The following C10orf143 variants were observed in gnomAD, a reference collection of about 807,000 sequenced individuals.
The protein encoded by C10orf143 is uncharacterized protein C10orf143.
intron 3 of C10orf143, among the ~76,000 whole-genome samples, chr10:130,064,671 C>T (rs1010017895): frequency 6.6e-6 from 1 of 152,152 alleles, no homozygotes; most frequent in African/African-American, 2.4e-5. Flanking sequence ...AATGAAAATA[C>T]TATTCATATA....
At chr10:130,045,853 C>T (rs904880760) in intron 3 of C10orf143, among the ~76,000 whole-genome samples, 1 of 152,292 alleles carries the variant, frequency 6.6e-6, no homozygotes, top group South Asian at 2.1e-4. Context: ...CTGATGGCTC[C>T]GGTCGTGGCT....
chr10:130,066,200 T>C (rs1860931010), intron 3 of C10orf143: 1 of 149,686 alleles, frequency 6.7e-6, no homozygotes, highest in African/African-American at 2.5e-5. Context: ...TTTTTTTTTT[T>C]TTTTTGAGAC....
intron 3 of C10orf143, among the ~76,000 whole-genome samples, chr10:130,038,870 C>T (rs1860574232): frequency 1.3e-5 from 2 of 152,152 alleles, no homozygotes; most frequent in Admixed American, 1.3e-4. Flanking sequence ...GGTAGCAAGG[C>T]CGGAGGGAGT....
At chr10:130,063,255 T>C (rs1860876754), downstream of C10orf143, among the ~76,000 whole-genome samples, 1 of 152,168 alleles carries the variant, frequency 6.6e-6, no homozygotes, top group East Asian at 1.9e-4. Context: ...AGGAAGAGTT[T>C]ACACACAAAA....
chr10:130,096,578 C>A (rs1297337723), intron 1 of C10orf143, among the ~76,000 whole-genome samples: 38 of 41,028 alleles, frequency 9.3e-4, no homozygotes, highest in South Asian at 1.2e-3. Flanking sequence ...AAATTCTTGG[C>A]AAACTAACAC....
intron 1 of C10orf143, among the ~76,000 whole-genome samples, chr10:130,091,318 C>T (rs539639685): frequency 8.5e-5 from 13 of 152,292 alleles, no homozygotes; most frequent in African/African-American, 3.1e-4. Flanking sequence ...AGCATACCTG[C>T]AGCAAAGGAG....
intron 3 of C10orf143, chr10:130,066,674 C>T (rs1209293984): frequency 6.6e-6 from 1 of 152,468 alleles, no homozygotes; most frequent in Non-Finnish European, 1.5e-5. Flanking sequence ...ATCCTACTCT[C>T]TCTTCTTGAC....
Position 130,054,963 on chromosome 10 carries a change from C to G in C10orf143, c.298-18993G>C, listed in dbSNP as rs1026496023. Among the ~76,000 whole-genome samples the G allele has an allele frequency of 3.3e-5, 5 of 152,026 alleles. No individual in the cohort carries two copies. In the East Asian group the frequency reaches 9.6e-4, roughly 29 times the overall value. On this transcript the variant is annotated intron_variant and NMD_transcript_variant, in intron 3 of 5. Transcript: ENST00000643056. ...CCAAGAATATAAAATGGGGGAAATACAGTCTCCAACAAATGGTATTGAGAA... is the reference window on the plus strand; with the variant it reads ...CCAAGAATATAAAATGGGGGAAATAGAGTCTCCAACAAATGGTATTGAGAA...
intron 1 of C10orf143, among the ~76,000 whole-genome samples, chr10:130,093,775 G>C (rs1458478493): frequency 6.6e-6 from 1 of 152,096 alleles, no homozygotes; most frequent in Admixed American, 6.6e-5. Flanking sequence ...CACTTTGGGA[G>C]GCCGAGGCGG....
intron 3 of C10orf143, among the ~76,000 whole-genome samples, chr10:130,037,297 C>T (rs1393348637): frequency 6.6e-6 from 1 of 152,226 alleles, no homozygotes; most frequent in Non-Finnish European, 1.5e-5. Context: ...TAAGCACTGC[C>T]GCTTTCCTCC....
downstream of C10orf143, among the ~76,000 whole-genome samples, chr10:130,063,086 A>G (rs1321391674): frequency 6.6e-6 from 1 of 152,108 alleles, no homozygotes. Flanking sequence ...TCTGACTCTG[A>G]AGCGGGGGCA....
chr10:130,053,665 A>C (rs1307778765), intron 3 of C10orf143, among the ~76,000 whole-genome samples: 1 of 152,242 alleles, frequency 6.6e-6, no homozygotes, highest in Non-Finnish European at 1.5e-5. Flanking sequence ...CACAGCAGCC[A>C]AGAGGGCTCC....
At chr10:130,083,478 TG>T (rs1861240280) in intron 1 of C10orf143, among the ~76,000 whole-genome samples, 1 of 152,208 alleles carries the variant, frequency 6.6e-6, no homozygotes, top group Non-Finnish European at 1.5e-5. Flanking sequence ...TGCAATATAT[TG>T]GAAACAACCT....
downstream of C10orf143, among the ~76,000 whole-genome samples, chr10:130,060,720 G>A (rs1194202149): frequency 6.6e-6 from 1 of 150,914 alleles, no homozygotes; most frequent in Non-Finnish European, 1.5e-5. Context: ...GCTATCGGGA[G>A]GCTGAGGCAG....
downstream of C10orf143, among the ~76,000 whole-genome samples, chr10:130,063,396 C>T (rs1226593887): frequency 1.3e-5 from 2 of 152,120 alleles, no homozygotes; most frequent in Non-Finnish European, 2.9e-5. Flanking sequence ...AACGCCAATA[C>T]CTTCTCCCTC....
At chr10:130,082,097 C>A (rs896477124) in intron 1 of C10orf143, among the ~76,000 whole-genome samples, 1 of 151,906 alleles carries the variant, frequency 6.6e-6, no homozygotes, top group East Asian at 1.9e-4. Context: ...CATTAAAAGT[C>A]CAGATATAAA....
At chr10:130,062,932 G>A (rs903438673), downstream of C10orf143, among the ~76,000 whole-genome samples, 3 of 152,140 alleles carry the variant, frequency 2.0e-5, no homozygotes, top group African/African-American at 4.8e-5. Flanking sequence ...CACTGACACT[G>A]AGGAGTCACA....
At chr10:130,047,170 G>C (rs1255980189) in intron 3 of C10orf143, among the ~76,000 whole-genome samples, 2 of 152,184 alleles carry the variant, frequency 1.3e-5, no homozygotes, top group Non-Finnish European at 2.9e-5. Flanking sequence ...TGAGCCTGGC[G>C]GATGCACTGG....
chr10:130,036,591 C>T (rs374975024), intron 3 of C10orf143, among the ~76,000 whole-genome samples: 2 of 152,216 alleles, frequency 1.3e-5, no homozygotes, highest in East Asian at 1.9e-4. Flanking sequence ...GCCCCCATCT[C>T]GCCAGCTGCC....
Sources: allele counts gnomAD v4.1 joint callset (sites outside exome capture counted in the v4.1 genomes callset), GRCh38; gene constraint gnomAD v4.1.1; transcripts MANE v1.5; gene names NCBI Gene and HGNC (gene_info 2026-07-23, HGNC 2026-07-21).